Variants in PDE4B observed in about 807,000 individuals in gnomAD.
PDE4B encodes the protein 3',5'-cyclic-AMP phosphodiesterase 4B.
Under a neutral mutation model 82.2 loss-of-function variants are expected in PDE4B, and 20 were observed. The ratio of observed to expected loss-of-function variants is 0.24; its 90% confidence interval spans 0.17 to 0.35. The LOEUF (loss-of-function observed/expected upper bound fraction) is 0.35, where lower values mean the gene tolerates loss of function less well. Ranked by LOEUF, PDE4B falls within the 10% of genes least tolerant of loss-of-function variation. The probability of loss-of-function intolerance (pLI) is 1.00; values close to 1 mark genes in which losing one functional copy is unlikely to be tolerated. For synonymous variants in PDE4B, 320 were observed against 318.9 expected, an observed-to-expected ratio of 1.00 and a Z score of -0.04; for missense variants, 655 against 907.2, an observed-to-expected ratio of 0.72 and a Z score of 3.57.
At chr1:66,268,573 C>A (rs1343868561) in intron 7 of PDE4B, among the ~76,000 whole-genome samples, 2 of 141,224 alleles carry the variant, frequency 1.4e-5, no homozygotes, top group African/African-American at 5.4e-5. Context: ...GAGGCTGAGG[C>A]AGGAGAATCT....
intron 7 of PDE4B, among the ~76,000 whole-genome samples, chr1:66,314,481 C>T (rs888462290): frequency 6.6e-5 from 10 of 152,242 alleles, no homozygotes; most frequent in African/African-American, 1.4e-4. Context: ...GGCGTGATCT[C>T]GGCTCACTGC....
intron 1 of PDE4B, among the ~76,000 whole-genome samples, chr1:65,843,414 T>C (rs1022330628): frequency 6.6e-6 from 1 of 152,196 alleles, no homozygotes; most frequent in East Asian, 1.9e-4. Flanking sequence ...GGTACAGCTG[T>C]TAAGAGAGTG....
chr1:65,972,872 T>C (rs1267145994), intron 3 of PDE4B, among the ~76,000 whole-genome samples: 1 of 152,224 alleles, frequency 6.6e-6, no homozygotes. Context: ...CAAATGTTTG[T>C]TGAATGCTAC....
At chr1:65,863,023 G>A (rs987046021) in intron 1 of PDE4B, among the ~76,000 whole-genome samples, 2 of 151,684 alleles carry the variant, frequency 1.3e-5, no homozygotes, top group African/African-American at 4.8e-5. Flanking sequence ...ATTTTTTGGA[G>A]GGTTTTTGTG....
At chr1:66,232,596 T>C (rs1183573899) in intron 3 of PDE4B, among the ~76,000 whole-genome samples, 1 of 151,992 alleles carries the variant, frequency 6.6e-6, no homozygotes, top group Non-Finnish European at 1.5e-5. Context: ...CTCCAACATT[T>C]AGAATTGGAA....
intron 3 of PDE4B, among the ~76,000 whole-genome samples, chr1:66,049,104 G>A (rs141414397): frequency 7.8e-4 from 119 of 152,020 alleles, no homozygotes; most frequent in African/African-American, 2.6e-3. Flanking sequence ...TTCTGAGAGT[G>A]GAAATATCGT....
intron 16 of PDE4B, among the ~76,000 whole-genome samples, chr1:66,371,282 G>A (rs1194025254): frequency 1.3e-5 from 2 of 150,342 alleles, no homozygotes; most frequent in Admixed American, 1.3e-4. Flanking sequence ...CCCATGGGTG[G>A]GTGCCCTTTG....
intron 8 of PDE4B, among the ~76,000 whole-genome samples, chr1:66,336,406 G>C (rs895073476): frequency 6.6e-6 from 1 of 152,236 alleles, no homozygotes; most frequent in East Asian, 1.9e-4. Context: ...GGTGAAAAAC[G>C]TCAAAAGGGT....
chr1:66,034,783 T>C (rs2455033), intron 3 of PDE4B, among the ~76,000 whole-genome samples: 135,578 of 152,202 alleles, frequency 0.89, 60,842 homozygotes, highest in Non-Finnish European at 0.94. Flanking sequence ...ATTTCTAACT[T>C]TATTTGGCTC....
chr1:65,874,761 G>A (rs1557791079), intron 1 of PDE4B, among the ~76,000 whole-genome samples: 2 of 151,200 alleles, frequency 1.3e-5, no homozygotes, highest in Non-Finnish European at 3.0e-5. Flanking sequence ...AGCTGAAACT[G>A]GATCCCTTCC....
chr1:65,892,272 A>G (rs1444341478), intron 1 of PDE4B, among the ~76,000 whole-genome samples: 1 of 152,098 alleles, frequency 6.6e-6, no homozygotes, highest in Non-Finnish European at 1.5e-5. Context: ...GTTTCCAGGT[A>G]TCTATCTACA....
At position 66,238,263 on chromosome 1, in the gene PDE4B, G is replaced by A. The variant is rs1032149946; in HGVS notation, c.282-9197G>A. 3.9e-5 allele frequency among the ~76,000 whole-genome samples: 6 copies of A among 152,302 alleles called. No homozygotes were observed. In the East Asian group the frequency reaches 7.7e-4, roughly 20 times the overall value. On this transcript the variant is annotated intron_variant, in intron 3 of 16. Transcript: ENST00000341517. ...GTGCAAAATTGCTGAATTGAGAAAG[G>A]ATTTGGCATGTTCTGGAACAGAAAG...
intron 3 of PDE4B, among the ~76,000 whole-genome samples, chr1:65,981,437 T>A (rs1650681469): frequency 6.6e-6 from 1 of 152,144 alleles, no homozygotes; most frequent in African/African-American, 2.4e-5. Flanking sequence ...AAATATGAAA[T>A]TATGGAGAAA....
chr1:65,882,680 ATGTGTG>A lies in PDE4B; in HGVS notation c.-70-30543_-70-30538del, dbSNP rs5774774. 1.9e-3 allele frequency among the ~76,000 whole-genome samples: 281 copies of A among 149,930 alleles called. 1 individual carries two copies. Among genetic ancestry groups the A allele is most frequent in the Non-Finnish European group, 2.9e-3 (195 of 67,342 alleles). On this transcript the variant is annotated intron_variant, in intron 1 of 16. Coordinates refer to ENST00000341517, the MANE Select transcript of PDE4B (RefSeq NM_002600.4). ...TGTTTATGGCAACTATTTGAAAAAT[ATGTGTG>A]TGTGTGTGTGTGTGTGTGTGTACAG...
At chr1:65,924,963 C>T (rs1647419292) in intron 3 of PDE4B, among the ~76,000 whole-genome samples, 1 of 152,162 alleles carries the variant, frequency 6.6e-6, no homozygotes, top group Non-Finnish European at 1.5e-5. Context: ...ATATTCTGTT[C>T]ATTAGGTCTT....
intron 3 of PDE4B, among the ~76,000 whole-genome samples, chr1:66,020,665 A>G (rs1435022639): frequency 6.6e-6 from 1 of 152,194 alleles, no homozygotes. Flanking sequence ...TTATGGCTGC[A>G]TAGTATTCCA....
intron 7 of PDE4B, among the ~76,000 whole-genome samples, chr1:66,322,172 C>T (rs1040482119): frequency 6.6e-6 from 1 of 152,110 alleles, no homozygotes; most frequent in Non-Finnish European, 1.5e-5. Context: ...AAAATTAACT[C>T]AAGATGGATT....
intron 3 of PDE4B, among the ~76,000 whole-genome samples, chr1:65,973,740 C>G (rs1472424582): frequency 1.3e-5 from 2 of 152,058 alleles, no homozygotes; most frequent in East Asian, 3.8e-4. Flanking sequence ...TCCAATAAAT[C>G]TTAAAGAATT....
At chr1:65,945,942 A>G (rs188062269) in intron 3 of PDE4B, among the ~76,000 whole-genome samples, 1 of 152,110 alleles carries the variant, frequency 6.6e-6, no homozygotes, top group East Asian at 1.9e-4. Context: ...CCAGTCAGCT[A>G]GGTAAGTCAT....
Sources: gnomAD v4.1 joint callset for allele counts (sites outside exome capture counted in the v4.1 genomes callset) on GRCh38, gnomAD v4.1.1 for gene constraint, MANE v1.5 for transcripts, NCBI Gene and HGNC (gene_info 2026-07-23, HGNC 2026-07-21) for gene names.